AFG2A: variants seen among roughly 807,000 people sequenced by gnomAD.
The protein encoded by AFG2A is ATPase family gene 2 protein homolog A.
the AFG2A span, among the ~76,000 whole-genome samples, chr4:122,945,454 C>T: frequency 2.1e-3 from 322 of 152,002 alleles, no homozygotes; most frequent in Non-Finnish European, 3.6e-3. Context: ...GAGCCAGGTG[C>T]GGGATATAAT....
At chr4:123,280,826 C>G in the AFG2A span, among the ~76,000 whole-genome samples, 1 of 152,072 alleles carries the variant, frequency 6.6e-6, no homozygotes, top group African/African-American at 2.4e-5. Context: ...ATAACATATT[C>G]ACGGTTCCAG....
chr4:123,243,798 C>G, the AFG2A span, among the ~76,000 whole-genome samples: 1 of 88,578 alleles, frequency 1.1e-5, no homozygotes. Context: ...GCAGGAGGAT[C>G]ACTTGAGTCC....
At chr4:123,141,966 T>C in the AFG2A span, among the ~76,000 whole-genome samples, 1 of 152,222 alleles carries the variant, frequency 6.6e-6, no homozygotes, top group Non-Finnish European at 1.5e-5. Flanking sequence ...TCCTTAGAGC[T>C]TTAGGTTGAC....
At chr4:123,314,689 C>G in the AFG2A span, 2 of 151,424 alleles carry the variant, frequency 1.3e-5, no homozygotes, top group Non-Finnish European at 2.9e-5. Flanking sequence ...AATACAATGC[C>G]CTTTGAAAGT....
At chr4:123,028,057 G>T in the AFG2A span, 1 of 730,300 alleles carries the variant, frequency 1.4e-6, no homozygotes. Context: ...TTTTTTAAAG[G>T]ATTTTCCTGA....
At chr4:122,986,126 G>T in the AFG2A span, among the ~76,000 whole-genome samples, 1 of 152,014 alleles carries the variant, frequency 6.6e-6, no homozygotes, top group Non-Finnish European at 1.5e-5. Context: ...GTCCCATGGT[G>T]GTCTGAGAGA....
chr4:123,204,178 C>A, the AFG2A span, among the ~76,000 whole-genome samples: 2 of 152,170 alleles, frequency 1.3e-5, no homozygotes, highest in African/African-American at 2.4e-5. Context: ...ACCTTTATTT[C>A]TCTTTGCTAT....
At chr4:122,923,476 A>G in the AFG2A span, among the ~76,000 whole-genome samples, 2 of 152,186 alleles carry the variant, frequency 1.3e-5, no homozygotes, top group Non-Finnish European at 2.9e-5. Context: ...ATGCAAACGT[A>G]GCCGCGCCTG....
chr4:123,308,022 A>T, the AFG2A span, among the ~76,000 whole-genome samples: 1 of 152,304 alleles, frequency 6.6e-6, no homozygotes, highest in African/African-American at 2.4e-5. Flanking sequence ...ACGTGACTAT[A>T]TGTTACTGCA....
chr4:123,045,907 C>G, the AFG2A span, among the ~76,000 whole-genome samples: 2 of 151,788 alleles, frequency 1.3e-5, no homozygotes, highest in African/African-American at 4.8e-5. Flanking sequence ...ACCAGCCTGG[C>G]CAACATAGTG....
At chr4:123,076,500 T>C in the AFG2A span, among the ~76,000 whole-genome samples, 1 of 152,144 alleles carries the variant, frequency 6.6e-6, no homozygotes, top group Admixed American at 6.5e-5. Context: ...ATAAAATTAT[T>C]TTTTAATTAT....
the AFG2A span, among the ~76,000 whole-genome samples, chr4:122,994,618 G>C: frequency 6.6e-6 from 1 of 151,874 alleles, no homozygotes; most frequent in Non-Finnish European, 1.5e-5. Flanking sequence ...CTTGCCTTTG[G>C]ATTCTAGTTT....
chr4:123,136,858 GA>G, the AFG2A span, among the ~76,000 whole-genome samples: 4 of 148,038 alleles, frequency 2.7e-5, no homozygotes, highest in African/African-American at 7.5e-5. Context: ...AAAAAAAAAA[GA>G]AAAAAAGAGA....
the AFG2A span, among the ~76,000 whole-genome samples, chr4:123,130,311 C>T: frequency 6.6e-6 from 1 of 152,142 alleles, no homozygotes; most frequent in East Asian, 1.9e-4. Flanking sequence ...GACACGATGC[C>T]AGGTTCAGTT....
the AFG2A span, among the ~76,000 whole-genome samples, chr4:123,080,866 G>T: frequency 6.6e-6 from 1 of 151,238 alleles, no homozygotes; most frequent in South Asian, 2.1e-4. Context: ...CTAACTATCC[G>T]TCCTGGATCG....
chr4:123,077,121 C>T, the AFG2A span, among the ~76,000 whole-genome samples: 1 of 148,486 alleles, frequency 6.7e-6, no homozygotes, highest in Non-Finnish European at 1.5e-5. Context: ...GATCTCAGCT[C>T]ACTGCAAGCT....
chr4:123,065,446 T>A, the AFG2A span, among the ~76,000 whole-genome samples: 1 of 152,202 alleles, frequency 6.6e-6, no homozygotes, highest in East Asian at 1.9e-4. Context: ...TTTATAGCGC[T>A]TAACATAATA....
At chr4:123,079,705 AT>A in the AFG2A span, among the ~76,000 whole-genome samples, 4 of 127,294 alleles carry the variant, frequency 3.1e-5, no homozygotes, top group South Asian at 5.0e-4. Flanking sequence ...ACTCGAAAAT[AT>A]TTGACACAGT....
At chr4:123,216,680 T>A in the AFG2A span, among the ~76,000 whole-genome samples, 1 of 151,126 alleles carries the variant, frequency 6.6e-6, no homozygotes, top group South Asian at 2.1e-4. Context: ...TTTTTTTTTT[T>A]AAAGAAACAA....
Sources: gnomAD v4.1 joint callset for allele counts (sites outside exome capture counted in the v4.1 genomes callset) on GRCh38, gnomAD v4.1.1 for gene constraint, MANE v1.5 for transcripts, NCBI Gene and HGNC (gene_info 2026-07-23, HGNC 2026-07-21) for gene names.